ALDH1A3: variants seen among roughly 807,000 people sequenced by gnomAD.
ALDH1A3 encodes the protein retinaldehyde dehydrogenase 3.
ALDH1A3 carries 28 observed loss-of-function variants against 57.5 expected under a neutral mutation model. The observed-to-expected ratio is 0.49, with a 90% confidence interval of 0.36 to 0.67. The LOEUF (loss-of-function observed/expected upper bound fraction) is 0.67, where lower values mean the gene tolerates loss of function less well. Ranked by LOEUF, ALDH1A3 falls within the 30% of genes least tolerant of loss-of-function variation. The pLI is 0.00. For synonymous variants in ALDH1A3, 281 were observed against 264.8 expected, an observed-to-expected ratio of 1.06 and a Z score of -0.59; for missense variants, 507 against 669.4, an observed-to-expected ratio of 0.76 and a Z score of 2.68.
rs1567168131 is a variant in ALDH1A3 at position 100,887,552 on chromosome 15, C to G, written c.205-20C>G. ...CACGTCAAAAGATGACAGTCTCTCT[C>G]TGTTGTTCTGGTCGCTCAGCCCGAC... On this transcript the variant is annotated intron_variant, in intron 2 of 12. Coordinates refer to ENST00000329841, the MANE Select transcript of ALDH1A3 (RefSeq NM_000693.4). The surrounding 1 kb of genome is among the most constrained non-coding windows in gnomAD (Gnocchi z 4.6). The G allele has an allele frequency of 1.5e-5, 24 of 1,560,534 alleles. No individual in the cohort carries two copies. The highest frequency in any genetic ancestry group is 2.1e-5 in the Non-Finnish European group (24 of 1,150,442).
chr15:100,904,969 C>T (rs1480256758), intron 9 of ALDH1A3, among the ~76,000 whole-genome samples: 1 of 152,220 alleles, frequency 6.6e-6, no homozygotes, highest in Non-Finnish European at 1.5e-5. Context: ...TACCCTGATT[C>T]ACGGTGCCAA....
intron 8 of ALDH1A3, among the ~76,000 whole-genome samples, chr15:100,900,250 AAGGGG>A (rs1277154192): frequency 6.6e-6 from 1 of 152,190 alleles, no homozygotes; most frequent in Non-Finnish European, 1.5e-5. Context: ...CCTCTAGAAA[AAGGGG>A]AGGGGAGGGG....
chr15:100,903,769 ATCT>A (rs1435265693), intron 9 of ALDH1A3, among the ~76,000 whole-genome samples: 7 of 152,356 alleles, frequency 4.6e-5, no homozygotes, highest in Non-Finnish European at 1.0e-4. Context: ...AAGGTAGAAC[ATCT>A]TATTATATAT....
At chr15:100,907,875 G>A (rs2041840324) in intron 11 of ALDH1A3, among the ~76,000 whole-genome samples, 1 of 99,006 alleles carries the variant, frequency 1.0e-5, no homozygotes, top group South Asian at 3.7e-4. Context: ...TTGAGATGGA[G>A]TCTTGCTCTT....
rs955565734 is a variant in ALDH1A3, at chr15:100,880,188, A to G, written c.99+182A>G. ...CCTTTCGCGGGACGTCTCGGGCGGG[A>G]TCGCAGGCGGCGGGGCTCGGCGCTG... On this transcript the variant is annotated intron_variant, in intron 1 of 12. Coordinates refer to ENST00000329841, the MANE Select transcript of ALDH1A3 (RefSeq NM_000693.4). 7.7e-5 allele frequency: 32 copies of G among 414,896 alleles called. 1 individual carries two copies. In the South Asian group the frequency reaches 3.6e-3, roughly 47 times the overall value. The allele number at this position is 414,896 out of a possible 1,614,324, so 25.7% of individuals were successfully genotyped here. A position where few individuals can be genotyped will look rare whatever the true frequency, so the allele number is the denominator to read the frequency against.
At chr15:100,892,887 A>C in intron 4 of ALDH1A3, 58 bp from the exon 5 acceptor site, 1 of 1,564,274 alleles carries the variant, frequency 6.4e-7, no homozygotes. Flanking sequence ...TTACTACTTG[A>C]AGTTCCTAAC....
Position 100,885,017 on chromosome 15 carries a change from A to T in ALDH1A3, c.100-250A>T, listed in dbSNP as rs538933056. Among the ~76,000 whole-genome samples the T allele has an allele frequency of 5.9e-5, 9 of 152,282 alleles. No individual in the cohort carries two copies. The South Asian group carries it at 1.5e-3, about 25-fold the overall frequency. On this transcript the variant is annotated intron_variant, in intron 1 of 12. Coordinates refer to ENST00000329841, the MANE Select transcript of ALDH1A3 (RefSeq NM_000693.4). The stretch of plus-strand genomic sequence containing the variant: ...AGATAATAATAATAATTTAGAAAAA[A>T]ATCTCTAAGTGACTATAGTTTTATT...
rs975499333 is a variant in ALDH1A3 at position 100,916,164 on chromosome 15, A to C, written c.*1391A>C. 1 of 152,192 alleles carries C rather than the reference A, an allele frequency of 6.6e-6. No homozygotes were observed. The highest frequency in any genetic ancestry group is 2.4e-5 in the African/African-American group (1 of 41,442). The allele number at this position is 152,192 out of a possible 1,614,324, so 9.4% of individuals were successfully genotyped here. On this transcript the variant is annotated 3_prime_UTR_variant, in exon 13 of 13. Transcript: ENST00000329841. ...AAACCATGTATAAAATGGGCCTATC[A>C]CCCTTGTCAGAGATATAAATTACCA... is the stretch of plus-strand genomic sequence containing the variant.
rs1435668944 is a variant in ALDH1A3 at position 100,916,109 on chromosome 15, C to T, written c.*1336C>T. ...GGGGAGGGCAATAATAAAATGAGGG[C>T]CCGTAACAGAACCAGTGTGTGTATA... On this transcript the variant is annotated 3_prime_UTR_variant, in exon 13 of 13. Transcript: ENST00000329841. The T allele has an allele frequency of 6.6e-6, 1 of 152,138 alleles. No individual in the cohort carries two copies. The highest frequency in any genetic ancestry group is 6.5e-5 in the Admixed American group (1 of 15,272). The allele number at this position is 152,138 out of a possible 1,614,324, so 9.4% of individuals were successfully genotyped here.
rs1170039017 is a variant in ALDH1A3 at position 100,896,052 on chromosome 15, C to T, written c.780+6C>T. Reference sequence around the variant, plus strand: ...CCTTCACCGGCTCCACAGAGGTAACCCTCCTCACAGGGTGCTGGGGAAAGT... The same window carrying T: ...CCTTCACCGGCTCCACAGAGGTAACTCTCCTCACAGGGTGCTGGGGAAAGT... On this transcript the variant is annotated splice_donor_region_variant and intron_variant, in intron 7 of 12. Coordinates refer to ENST00000329841, the MANE Select transcript of ALDH1A3 (RefSeq NM_000693.4). The T allele has an allele frequency of 1.2e-6, 2 of 1,602,132 alleles. No individual in the cohort carries two copies. Among genetic ancestry groups the T allele is most frequent in the Non-Finnish European group, 1.7e-6 (2 of 1,173,506 alleles).
chr15:100,904,486 T>C (rs1334782316), intron 9 of ALDH1A3, among the ~76,000 whole-genome samples: 1 of 152,230 alleles, frequency 6.6e-6, no homozygotes, highest in African/African-American at 2.4e-5. Context: ...TGCTTCTTTT[T>C]CTGTTTATGA....
At chr15:100,896,777 C>T (rs908096480) in intron 7 of ALDH1A3, among the ~76,000 whole-genome samples, 1 of 152,218 alleles carries the variant, frequency 6.6e-6, no homozygotes, top group Non-Finnish European at 1.5e-5. Flanking sequence ...TATTCATTCT[C>T]TGGAATGTTT....
At position 100,898,176 on chromosome 15, in the gene ALDH1A3, G is replaced by A. The variant is rs1226878041; in HGVS notation, c.874G>A (p.Asp292Asn). ...GGKNPCIVCA[D>N]ADLDLAVECA... ...GAAGAACCCCTGCATCGTGTGTGCG[G>A]ACGCTGACTGTGAGTCTCTGCCCTC... Residue 292 changes from aspartate (D) to asparagine (N), a missense_variant, in exon 8 of 13, where the codon GAC becomes AAC. Physicochemically the swap from Asp to Asn is conservative, Grantham distance 23. Coordinates refer to ENST00000329841, the MANE Select transcript of ALDH1A3 (RefSeq NM_000693.4). 6.2e-7 allele frequency: 1 copy of A among 1,613,704 alleles called. No individual in the cohort carries two copies. Among genetic ancestry groups the A allele is most frequent in the Non-Finnish European group, 8.5e-7 (1 of 1,179,810 alleles).
At chr15:100,884,877 G>A (rs1292201705) in intron 1 of ALDH1A3, among the ~76,000 whole-genome samples, 1 of 152,092 alleles carries the variant, frequency 6.6e-6, no homozygotes, top group Non-Finnish European at 1.5e-5. Context: ...GGACTTTTAT[G>A]TATATAAACC....
At chr15:100,907,844 C>CTT (rs71151987) in intron 11 of ALDH1A3, among the ~76,000 whole-genome samples, 7,604 of 81,748 alleles carry the variant, frequency 0.093, 1,169 homozygotes, top group African/African-American at 0.23. Flanking sequence ...TTCTTTCTTT[C>CTT]TTTTTTTTTT....
chr15:100,883,820 G>T (rs2041568985), intron 1 of ALDH1A3, among the ~76,000 whole-genome samples: 1 of 152,170 alleles, frequency 6.6e-6, no homozygotes, highest in Admixed American at 6.5e-5. Context: ...CCAATACAGA[G>T]AATGTAACCA....
intron 1 of ALDH1A3, chr15:100,881,246 A>C (rs373452441): frequency 1.3e-5 from 2 of 152,252 alleles, no homozygotes; most frequent in East Asian, 3.8e-4. Context: ...TCTGTAATCA[A>C]CAAAGACACG....
In ALDH1A3 at chr15:100,897,958, G is replaced by A. The variant is rs138297467; in HGVS notation, c.781-125G>A. The A allele has an allele frequency of 1.0e-4, 80 of 770,180 alleles. No individual in the cohort carries two copies. In the East Asian group the frequency reaches 1.4e-3, roughly 14 times the overall value. 47.7% of individuals were successfully genotyped at this position (770,180 alleles called of 1,614,324 possible). On this transcript the variant is annotated intron_variant, in intron 7 of 12. Transcript: ENST00000329841. Reference sequence around the variant, plus strand: ...AAGGGACGGCATCGGGGCCTGGAGCGCCTGGGCCGAGAGCCAGGTGGTGGC... The same window carrying A: ...AAGGGACGGCATCGGGGCCTGGAGCACCTGGGCCGAGAGCCAGGTGGTGGC...
At position 100,894,053 on chromosome 15, in the gene ALDH1A3, G is replaced by A. The variant is rs371736673; in HGVS notation, c.637G>A (p.Ala213Thr). The A allele has an allele frequency of 5.8e-5, 93 of 1,613,992 alleles. No homozygotes were observed. The highest frequency in any genetic ancestry group is 9.3e-5 in the African/African-American group (7 of 74,912). Residue 213 changes from alanine to threonine, a missense_variant, in exon 6 of 13, where the codon GCC (alanine) becomes ACC (threonine). Physicochemically the swap from Ala to Thr is moderately conservative, Grantham distance 58. Transcript: ENST00000329841. The surrounding 1 kb of genome is among the most constrained non-coding windows in gnomAD (Gnocchi z 4.5). ...LKPAEQTPLT[A>T]LYLGSLIKEA... is the part of the protein sequence containing the mutation. ...GCCTGCGGAGCAGACACCTCTCACCGCCCTTTATCTCGGCTCTCTGATCAA... is the reference window on the plus strand; with the variant it reads ...GCCTGCGGAGCAGACACCTCTCACCACCCTTTATCTCGGCTCTCTGATCAA...
Sources: allele counts gnomAD v4.1 joint callset (sites outside exome capture counted in the v4.1 genomes callset), GRCh38; gene constraint gnomAD v4.1.1; non-coding constraint Gnocchi (gnomAD v3.1); transcripts MANE v1.5; gene names NCBI Gene and HGNC (gene_info 2026-07-23, HGNC 2026-07-21).